The following JAZF1 variants were observed in gnomAD, a reference collection of about 807,000 sequenced individuals.
The protein encoded by JAZF1 is juxtaposed with another zinc finger protein 1.
JAZF1 carries 8 observed loss-of-function variants against 26.4 expected under a neutral mutation model. That is an observed-to-expected ratio of 0.30 (90% CI 0.18 to 0.55). The LOEUF (loss-of-function observed/expected upper bound fraction) is 0.55, where lower values mean the gene tolerates loss of function less well. JAZF1 is among the 20% of genes least tolerant of loss of function. The pLI, the probability that JAZF1 is intolerant of heterozygous loss-of-function variation, is 0.94. For synonymous variants in JAZF1, 126 were observed against 122.3 expected (o/e 1.03, Z -0.20); for missense variants, 199 against 322.0 (o/e 0.62, Z 2.92).
intron 2 of JAZF1, among the ~76,000 whole-genome samples, chr7:27,898,460 A>G (rs933822320): frequency 2.6e-5 from 4 of 151,660 alleles, no homozygotes. Flanking sequence ...TGCCACCACC[A>G]TGCCCAGCTA....
intron 3 of JAZF1, among the ~76,000 whole-genome samples, chr7:27,859,731 C>G (rs567394222): frequency 6.7e-6 from 1 of 148,306 alleles, no homozygotes; most frequent in South Asian, 2.2e-4. Flanking sequence ...GCATGGGGGG[C>G]TAGGGGAGGG....
intron 1 of JAZF1, among the ~76,000 whole-genome samples, chr7:28,052,255 A>C (rs770928131): frequency 6.6e-6 from 1 of 152,226 alleles, no homozygotes; most frequent in Non-Finnish European, 1.5e-5. Context: ...CCATTTAACC[A>C]CGAGTAGCTG....
At chr7:27,865,401 T>C (rs1247004169) in intron 3 of JAZF1, among the ~76,000 whole-genome samples, 1 of 152,122 alleles carries the variant, frequency 6.6e-6, no homozygotes, top group African/African-American at 2.4e-5. Context: ...AAGAGATGTG[T>C]TCATGAAGCT....
intron 1 of JAZF1, among the ~76,000 whole-genome samples, chr7:28,069,293 G>A (rs1428049099): frequency 2.0e-5 from 3 of 152,202 alleles, no homozygotes; most frequent in Non-Finnish European, 4.4e-5. Flanking sequence ...TTTTCACAAT[G>A]AGACTCATGC....
At chr7:28,006,301 G>A (rs1004435076) in intron 1 of JAZF1, among the ~76,000 whole-genome samples, 4 of 151,970 alleles carry the variant, frequency 2.6e-5, no homozygotes, top group African/African-American at 9.7e-5. Context: ...CCTGGGAAGC[G>A]GAGGTCACAG....
chr7:28,157,494 T>C (rs1783206163), intron 1 of JAZF1, among the ~76,000 whole-genome samples: 1 of 152,244 alleles, frequency 6.6e-6, no homozygotes, highest in Non-Finnish European at 1.5e-5. Flanking sequence ...CAAATAATTT[T>C]CACATTTTTT....
intron 2 of JAZF1, among the ~76,000 whole-genome samples, chr7:27,935,383 G>A (rs1281017508): frequency 6.6e-6 from 1 of 152,176 alleles, no homozygotes; most frequent in Admixed American, 6.5e-5. Context: ...TAAAAACAAA[G>A]TACTGACATA....
intron 1 of JAZF1, among the ~76,000 whole-genome samples, chr7:28,045,463 G>A (rs1285796231): frequency 1.3e-5 from 2 of 152,140 alleles, no homozygotes; most frequent in Admixed American, 6.5e-5. Flanking sequence ...TAGGGCAAAG[G>A]GGAGTGATTA....
chr7:27,959,345 A>G (rs1050174972), intron 2 of JAZF1, among the ~76,000 whole-genome samples: 4 of 152,212 alleles, frequency 2.6e-5, no homozygotes, highest in African/African-American at 9.7e-5. Context: ...TGCAAAGTCC[A>G]TCTCACTTTT....
chr7:28,143,247 C>T (rs1583583107), intron 1 of JAZF1, among the ~76,000 whole-genome samples: 2 of 152,290 alleles, frequency 1.3e-5, no homozygotes, highest in African/African-American at 2.4e-5. Context: ...TCAGGAAGCC[C>T]TTCCTGATAC....
At chr7:28,091,264 TTTA>T (rs1330477472) in intron 1 of JAZF1, among the ~76,000 whole-genome samples, 1 of 152,120 alleles carries the variant, frequency 6.6e-6, no homozygotes, top group Non-Finnish European at 1.5e-5. Context: ...ACTTCAATTT[TTTA>T]TTATGTCTCA....
chr7:27,962,985 C>T (rs935233314), intron 2 of JAZF1, among the ~76,000 whole-genome samples: 5 of 152,182 alleles, frequency 3.3e-5, no homozygotes, highest in African/African-American at 7.2e-5. Flanking sequence ...TTTAAAACTT[C>T]ACTGTGTGGG....
At chr7:27,994,890 G>A (rs994021235) in intron 1 of JAZF1, among the ~76,000 whole-genome samples, 8 of 152,128 alleles carry the variant, frequency 5.3e-5, no homozygotes, top group Non-Finnish European at 1.2e-4. Flanking sequence ...CTCCCTGACA[G>A]AAATGTAACT....
chr7:28,165,045 T>C (rs986448085), intron 1 of JAZF1, among the ~76,000 whole-genome samples: 11 of 152,020 alleles, frequency 7.2e-5, no homozygotes, highest in Non-Finnish European at 1.0e-4. Flanking sequence ...GGTGCGCACC[T>C]GTAGTCCCAG....
intron 2 of JAZF1, among the ~76,000 whole-genome samples, chr7:27,914,147 A>C (rs977800648): frequency 3.3e-5 from 5 of 152,142 alleles, no homozygotes; most frequent in Admixed American, 1.3e-4. Flanking sequence ...GTGGGTTGAA[A>C]ATTTTTGAAT....
chr7:28,158,744 C>T (rs1389366582), intron 1 of JAZF1, among the ~76,000 whole-genome samples: 1 of 152,196 alleles, frequency 6.6e-6, no homozygotes, highest in Non-Finnish European at 1.5e-5. Flanking sequence ...CATCAGTTTA[C>T]CCAAATAACT....
intron 1 of JAZF1, among the ~76,000 whole-genome samples, chr7:28,103,365 C>T (rs566939919): frequency 8.6e-4 from 131 of 152,080 alleles, no homozygotes; most frequent in African/African-American, 3.1e-3. Context: ...CCCTTGAGGC[C>T]GGCCAGGGGT....
At chr7:27,981,624 T>C (rs1464407576) in intron 2 of JAZF1, among the ~76,000 whole-genome samples, 1 of 152,202 alleles carries the variant, frequency 6.6e-6, no homozygotes, top group Non-Finnish European at 1.5e-5. Context: ...AAAATATGAG[T>C]TAAAGTTTTA....
At chr7:28,079,584 A>G (rs1179345792) in intron 1 of JAZF1, among the ~76,000 whole-genome samples, 1 of 152,222 alleles carries the variant, frequency 6.6e-6, no homozygotes, top group Non-Finnish European at 1.5e-5. Context: ...GTTTACCCAT[A>G]GGTTAGCAAA....
Sources: allele counts gnomAD v4.1 joint callset (sites outside exome capture counted in the v4.1 genomes callset), GRCh38; gene constraint gnomAD v4.1.1; transcripts MANE v1.5; gene names NCBI Gene and HGNC (gene_info 2026-07-23, HGNC 2026-07-21).